The following ACSS3 variants were observed in gnomAD, a reference collection of about 807,000 sequenced individuals.
ACSS3 encodes the protein acyl-CoA synthetase short-chain family member 3, mitochondrial.
Under a neutral mutation model 84.2 loss-of-function variants are expected in ACSS3, and 64 were observed. That is an observed-to-expected ratio of 0.76 (90% CI 0.62 to 0.94). The LOEUF is 0.94. Ranked by LOEUF, ACSS3 falls within the 40% of genes least tolerant of loss-of-function variation. The pLI, the probability that ACSS3 is intolerant of heterozygous loss-of-function variation, is 0.00. For missense variants in ACSS3, 815 were observed against 867.6 expected (o/e 0.94, Z 0.76); for synonymous variants, 317 against 310.1 (o/e 1.02, Z -0.23).
At chr12:81,150,553 A>G (rs915508621) in intron 5 of ACSS3, among the ~76,000 whole-genome samples, 2 of 152,172 alleles carry the variant, frequency 1.3e-5, no homozygotes, top group African/African-American at 4.8e-5. Context: ...TAGAATTTCT[A>G]ATGTTCCCAT....
intron 5 of ACSS3, among the ~76,000 whole-genome samples, chr12:81,145,067 ATTTTTTT>A (rs35753293): frequency 1.8e-4 from 18 of 100,872 alleles, no homozygotes; most frequent in African/African-American, 5.5e-4. Context: ...CGCCTGGCTA[ATTTTTTT>A]TTTTTTTTTT....
chr12:81,109,686 TAA>T lies in ACSS3; in HGVS notation c.440_441del (p.Lys147ArgfsTer22). 1 of 1,601,118 alleles carries T rather than the reference TAA, an allele frequency of 6.2e-7. No homozygotes were observed. The highest frequency in any genetic ancestry group is 8.5e-7 in the Non-Finnish European group (1 of 1,175,318). On this transcript the variant is annotated frameshift_variant, in exon 2 of 16. Coordinates refer to ENST00000548058, the MANE Select transcript of ACSS3 (RefSeq NM_024560.4). LOFTEE classifies it high-confidence loss of function. ...CAAACACTAAAGCAACCTTTACCTATAAAGAAGTTCTGGAGCAGGTAATATCA... is the reference window on the plus strand; with the variant it reads ...CAAACACTAAAGCAACCTTTACCTATAGAAGTTCTGGAGCAGGTAATATCA... ...VTNTKATFTY[K>X]EVLEQVSKLA...
intron 11 of ACSS3, among the ~76,000 whole-genome samples, chr12:81,230,514 A>C (rs372138014): frequency 2.2e-4 from 33 of 151,844 alleles, no homozygotes; most frequent in African/African-American, 8.0e-4. Context: ...GAAATCGCAT[A>C]AGTCTGGATG....
intron 4 of ACSS3, among the ~76,000 whole-genome samples, chr12:81,139,738 C>A (rs1885998010): frequency 6.6e-6 from 1 of 151,376 alleles, no homozygotes; most frequent in South Asian, 2.1e-4. Flanking sequence ...TGGGTTCATG[C>A]CATTCTCCTG....
chr12:81,109,626 G>A lies in ACSS3; in HGVS notation c.378G>A (p.Gly126=), dbSNP rs764481736. 1.2e-6 allele frequency: 2 copies of A among 1,611,634 alleles called. No individual in the cohort carries two copies. The highest frequency in any genetic ancestry group is 2.2e-5 in the East Asian group (1 of 44,686). Residue 126 remains glycine (G), a synonymous_variant, in exon 2 of 16, where the codon GGG becomes GGA. Coordinates refer to ENST00000548058, the MANE Select transcript of ACSS3 (RefSeq NM_024560.4). ...ATCGTCATATTGAAAATGGTAAAGG[G>A]GATAAGATTGCTATCATCTATGACA... The part of the protein sequence containing the change: ...AVDRHIENGK[G]DKIAIIYDSP...
At position 81,146,999 on chromosome 12, in the gene ACSS3, G is replaced by GA. The variant is rs777146126; in HGVS notation, c.921+3762dup. Reference sequence around the variant, plus strand: ...TGATGGGCACTTACTTCCTGCCCCAGAAAAAAAAAAGAGTGAAAGTCAAAT... The same window carrying GA: ...TGATGGGCACTTACTTCCTGCCCCAGAAAAAAAAAAAGAGTGAAAGTCAAAT... On this transcript the variant is annotated intron_variant, in intron 5 of 15. Transcript: ENST00000548058. Among the ~76,000 whole-genome samples the GA allele has an allele frequency of 8.1e-4, 120 of 147,386 alleles. No individual in the cohort carries two copies. In the East Asian group the frequency reaches 0.014, roughly 18 times the overall value.
Position 81,199,461 on chromosome 12 carries a change from C to A in ACSS3, c.1354+17C>A. 1 of 1,598,536 alleles carries A rather than the reference C, an allele frequency of 6.3e-7. No individual in the cohort carries two copies. Among genetic ancestry groups the A allele is most frequent in the Non-Finnish European group, 8.6e-7 (1 of 1,169,048 alleles). ...GGCAAACTGGTAAGCATTTTCCTAG[C>A]ATGTACATAAATAGTAAAGAAATGT... is the stretch of plus-strand genomic sequence containing the variant. On this transcript the variant is annotated intron_variant, in intron 9 of 15. Coordinates refer to ENST00000548058, the MANE Select transcript of ACSS3 (RefSeq NM_024560.4).
intron 9 of ACSS3, among the ~76,000 whole-genome samples, chr12:81,214,912 C>T (rs932391639): frequency 6.6e-6 from 1 of 152,168 alleles, no homozygotes; most frequent in African/African-American, 2.4e-5. Flanking sequence ...GTAACAAAAG[C>T]ATCTTGAAGG....
intron 7 of ACSS3, among the ~76,000 whole-genome samples, chr12:81,153,926 ATACTACTC>A (rs1886741830): frequency 6.6e-6 from 1 of 152,210 alleles, no homozygotes; most frequent in African/African-American, 2.4e-5. Context: ...AAACCATCAT[ATACTACTC>A]TACACTTTTG....
chr12:81,173,382 G>T lies in ACSS3; in HGVS notation c.1099-1406G>T, dbSNP rs545255828. Among the ~76,000 whole-genome samples the T allele has an allele frequency of 4.9e-3, 744 of 152,152 alleles. 6 individuals are homozygous for T. The highest frequency in any genetic ancestry group is 6.3e-3 in the Non-Finnish European group (426 of 67,970). ...TGATAATAAAAATGAATTTTCAGCTGCAGGAAATACTTTCTTGGTATTAAA... is the reference window on the plus strand; with the variant it reads ...TGATAATAAAAATGAATTTTCAGCTTCAGGAAATACTTTCTTGGTATTAAA... On this transcript the variant is annotated intron_variant, in intron 7 of 15. Transcript: ENST00000548058.
chr12:81,233,439 G>A lies in ACSS3; in HGVS notation c.1687G>A (p.Gly563Ser). The A allele has an allele frequency of 4.3e-6, 7 of 1,610,842 alleles. No individual in the cohort carries two copies. Among genetic ancestry groups the A allele is most frequent in the Non-Finnish European group, 5.9e-6 (7 of 1,177,860 alleles). The change falls in exon 13 of 16, where the codon GGT (glycine) becomes AGT (serine). Residue 563 changes from glycine to serine, a missense_variant. Gly to Ser is a moderately conservative substitution (Grantham distance 56). Coordinates refer to ENST00000548058, the MANE Select transcript of ACSS3 (RefSeq NM_024560.4). ...AGTGGATGATGTAATAAATGTTGCA[G>A]GTCACAGAATTTCTGCAGGCGCCAT... ...SRVDDVINVA[G>S]HRISAGAIEE...
At chr12:81,095,731 A>G (rs2121367995) in intron 1 of ACSS3, among the ~76,000 whole-genome samples, 1 of 152,236 alleles carries the variant, frequency 6.6e-6, no homozygotes, top group African/African-American at 2.4e-5. Context: ...CTTTAATCCG[A>G]GATGATCTGG....
chr12:81,146,128 A>T (rs1886328813), intron 5 of ACSS3, among the ~76,000 whole-genome samples: 1 of 152,140 alleles, frequency 6.6e-6, no homozygotes, highest in South Asian at 2.1e-4. Context: ...TATAACAATG[A>T]ATGTTCTCTG....
intron 13 of ACSS3, among the ~76,000 whole-genome samples, chr12:81,252,030 C>T (rs993892691): frequency 6.6e-6 from 1 of 152,106 alleles, no homozygotes; most frequent in Non-Finnish European, 1.5e-5. Context: ...TTTTTGTTCT[C>T]TGCTTTCCAG....
intron 12 of ACSS3, among the ~76,000 whole-genome samples, chr12:81,232,386 A>G (rs1334387423): frequency 6.6e-6 from 1 of 151,928 alleles, no homozygotes; most frequent in East Asian, 1.9e-4. Flanking sequence ...TAACAGAATA[A>G]TAACAGCACA....
In ACSS3 at chr12:81,106,471, A is replaced by G. The variant is rs1883008320; in HGVS notation, c.312-3089A>G. ...TCATTATATGTTATAATGTAATAAT[A>G]ATAAAAATAAAGTGCACAATAAATG... On this transcript the variant is annotated intron_variant, in intron 1 of 15. Transcript: ENST00000548058. 2.0e-5 allele frequency among the ~76,000 whole-genome samples: 3 copies of G among 152,308 alleles called. No homozygotes were observed. In the South Asian group the frequency reaches 6.2e-4, roughly 32 times the overall value.
chr12:81,209,191 G>A (rs2135922202), intron 9 of ACSS3, among the ~76,000 whole-genome samples: 1 of 152,116 alleles, frequency 6.6e-6, no homozygotes, highest in African/African-American at 2.4e-5. Context: ...CATTTCCCAA[G>A]CACAGAATGT....
chr12:81,186,611 T>G (rs2031271082), intron 8 of ACSS3, among the ~76,000 whole-genome samples: 1 of 151,832 alleles, frequency 6.6e-6, no homozygotes, highest in Admixed American at 6.6e-5. Flanking sequence ...TGGAAAGGTG[T>G]TCAACATCAT....
intron 1 of ACSS3, among the ~76,000 whole-genome samples, chr12:81,083,125 T>A (rs1881091556): frequency 6.6e-6 from 1 of 152,168 alleles, no homozygotes; most frequent in South Asian, 2.1e-4. Context: ...CAGCTGGCTT[T>A]TAGTGGCTTG....
Sources: allele counts gnomAD v4.1 joint callset (sites outside exome capture counted in the v4.1 genomes callset), GRCh38; gene constraint gnomAD v4.1.1; transcripts MANE v1.5; gene names NCBI Gene and HGNC (gene_info 2026-07-23, HGNC 2026-07-21).